MAP2: variants seen among roughly 807,000 people sequenced by gnomAD.
MAP2 encodes microtubule associated protein 2.
Under a neutral mutation model 137.6 loss-of-function variants are expected in MAP2, and 14 were observed. The ratio of observed to expected loss-of-function variants is 0.10; its 90% CI spans 0.07 to 0.16. The LOEUF (loss-of-function observed/expected upper bound fraction) is 0.16. Among genes scored for constraint, MAP2 ranks in the 10% least tolerant of loss-of-function variants. The probability of loss-of-function intolerance (pLI) is 1.00; values close to 1 mark genes in which losing one functional copy is unlikely to be tolerated. For missense variants in MAP2, 2,088 were observed against 2,191.5 expected, an observed-to-expected ratio of 0.95 and a Z score of 0.94; for synonymous variants, 786 against 782.3, an observed-to-expected ratio of 1.00 and a Z score of -0.08.
intron 13 of MAP2, among the ~76,000 whole-genome samples, chr2:209,723,302 C>T (rs1394592560): frequency 6.6e-6 from 1 of 152,174 alleles, no homozygotes; most frequent in Non-Finnish European, 1.5e-5. Context: ...GTAGCCTCCC[C>T]ATCACAGATG....
intron 7 of MAP2, 135 bp downstream of exon 7, chr2:209,680,962 A>G: frequency 1.9e-6 from 1 of 531,430 alleles, no homozygotes; most frequent in Non-Finnish European, 3.3e-6. Flanking sequence ...AATAATGAAG[A>G]AGAAACAAAG....
intron 1 of MAP2, among the ~76,000 whole-genome samples, chr2:209,468,317 C>CTTTTTTTTTTTTTT (rs11450792): frequency 1.6e-4 from 14 of 88,510 alleles, no homozygotes; most frequent in East Asian, 3.4e-4. Context: ...TTTAGTGTTT[C>CTTTTTTTTTTTTTT]TTTTTTTTTT....
chr2:209,636,439 T>C (rs1241167414), intron 4 of MAP2, among the ~76,000 whole-genome samples: 1 of 152,058 alleles, frequency 6.6e-6, no homozygotes, highest in Non-Finnish European at 1.5e-5. Flanking sequence ...GTGTTCCTTT[T>C]TGGCATGTGT....
At position 209,626,734 on chromosome 2, in the gene MAP2, T is replaced by C. The variant is rs1455441498; in HGVS notation, c.-30+1605T>C. ...TGCATCTCATCTTTACCCAATATTATATGTAGAGATTCTTTCATATCGAGG... is the reference window on the plus strand; with the variant it reads ...TGCATCTCATCTTTACCCAATATTACATGTAGAGATTCTTTCATATCGAGG... On this transcript the variant is annotated intron_variant, in intron 4 of 15. Coordinates refer to ENST00000682079, the MANE Select transcript of MAP2 (RefSeq NM_001375505.1). Among the ~76,000 whole-genome samples, 3 of 152,200 alleles carry C rather than the reference T, an allele frequency of 2.0e-5. No individual in the cohort carries two copies. The East Asian group carries it at 5.8e-4, about 29-fold the overall frequency.
intron 2 of MAP2, among the ~76,000 whole-genome samples, chr2:209,542,808 A>G (rs2067294526): frequency 6.6e-6 from 1 of 152,162 alleles, no homozygotes; most frequent in African/African-American, 2.4e-5. Flanking sequence ...CTTTCTCTGG[A>G]TTAGGCTTTG....
chr2:209,726,738 T>G (rs2074189595), intron 14 of MAP2, among the ~76,000 whole-genome samples: 1 of 152,188 alleles, frequency 6.6e-6, no homozygotes, highest in South Asian at 2.1e-4. Flanking sequence ...CACTCCAGCC[T>G]AGGCAACAGA....
At chr2:209,476,613 A>G (rs2149778291) in intron 1 of MAP2, among the ~76,000 whole-genome samples, 1 of 152,256 alleles carries the variant, frequency 6.6e-6, no homozygotes, top group East Asian at 1.9e-4. Context: ...AAGCAACATT[A>G]GAGGTTTTAT....
chr2:209,520,127 G>A (rs960015595), intron 2 of MAP2, among the ~76,000 whole-genome samples: 1 of 151,932 alleles, frequency 6.6e-6, no homozygotes, highest in African/African-American at 2.4e-5. Flanking sequence ...TTTATAGCAG[G>A]AACAAGCTGA....
At chr2:209,714,707 A>G (rs1014459332) in intron 13 of MAP2, among the ~76,000 whole-genome samples, 3 of 152,212 alleles carry the variant, frequency 2.0e-5, no homozygotes, top group Admixed American at 1.3e-4. Context: ...GATGTCAGAG[A>G]TATCCATCTC....
At chr2:209,719,231 C>T (rs549114324) in intron 13 of MAP2, among the ~76,000 whole-genome samples, 1 of 152,212 alleles carries the variant, frequency 6.6e-6, no homozygotes, top group South Asian at 2.1e-4. Context: ...AAGAGAGAAA[C>T]GGTGTTGCAA....
At chr2:209,521,223 C>T (rs1191491884) in intron 2 of MAP2, among the ~76,000 whole-genome samples, 1 of 152,034 alleles carries the variant, frequency 6.6e-6, no homozygotes, top group Non-Finnish European at 1.5e-5. Context: ...CACAGTCTTG[C>T]TCACTTTTAT....
At chr2:209,575,259 T>C (rs372549495) in intron 2 of MAP2, among the ~76,000 whole-genome samples, 66 of 152,142 alleles carry the variant, frequency 4.3e-4, no homozygotes, top group African/African-American at 8.2e-4. Context: ...CGCTGGCTCA[T>C]GCATGTAATC....
intron 2 of MAP2, among the ~76,000 whole-genome samples, chr2:209,514,451 C>T (rs182650431): frequency 1.3e-5 from 2 of 151,924 alleles, no homozygotes; most frequent in Admixed American, 6.6e-5. Context: ...CATACAAACC[C>T]CATGCTTATG....
chr2:209,447,458 C>G (rs1306329181), intron 1 of MAP2, among the ~76,000 whole-genome samples: 1 of 151,988 alleles, frequency 6.6e-6, no homozygotes, highest in Non-Finnish European at 1.5e-5. Context: ...TGTTATATAA[C>G]CCCAGGCTAC....
At chr2:209,495,825 A>G (rs1163839762) in intron 1 of MAP2, among the ~76,000 whole-genome samples, 2 of 152,198 alleles carry the variant, frequency 1.3e-5, no homozygotes, top group Non-Finnish European at 2.9e-5. Flanking sequence ...TTGTATTAGA[A>G]TGGTACTCTA....
At chr2:209,468,006 A>G (rs1704576658) in intron 1 of MAP2, among the ~76,000 whole-genome samples, 1 of 152,210 alleles carries the variant, frequency 6.6e-6, no homozygotes, top group Admixed American at 6.5e-5. Flanking sequence ...ACCTTATGAC[A>G]GGGATCACAT....
At chr2:209,433,406 C>T (rs1054440452) in intron 1 of MAP2, among the ~76,000 whole-genome samples, 3 of 151,946 alleles carry the variant, frequency 2.0e-5, no homozygotes, top group Admixed American at 6.6e-5. Flanking sequence ...ACAGAAAGAC[C>T]AATGGTACTG....
intron 2 of MAP2, among the ~76,000 whole-genome samples, chr2:209,542,187 G>T (rs545176105): frequency 4.5e-4 from 68 of 152,358 alleles, no homozygotes; most frequent in Middle Eastern, 3.4e-3. Context: ...GCTTTTGGGT[G>T]ACCAGGTGCT....
intron 13 of MAP2, among the ~76,000 whole-genome samples, chr2:209,719,164 G>C (rs2300155): frequency 1.3e-5 from 2 of 152,152 alleles, no homozygotes; most frequent in Non-Finnish European, 2.9e-5. Context: ...TCAGTTGAGT[G>C]CCACTGTTCA....
Sources: allele counts gnomAD v4.1 joint callset (sites outside exome capture counted in the v4.1 genomes callset), GRCh38; gene constraint gnomAD v4.1.1; transcripts MANE v1.5; gene names NCBI Gene and HGNC (gene_info 2026-07-23, HGNC 2026-07-21).